Variants in ELOVL7 observed in about 807,000 individuals in gnomAD.
ELOVL7 encodes ELOVL fatty acid elongase 7, also known as very long chain fatty acid elongase 7.
A neutral mutation model predicts 35.7 loss-of-function variants in ELOVL7; 27 were observed. That is an observed-to-expected ratio of 0.76 (90% CI 0.56 to 1.04). The LOEUF is 1.04. Ranked by LOEUF, ELOVL7 falls within the 50% of genes least tolerant of loss-of-function variation. ELOVL7 has a pLI of 0.00. For missense variants in ELOVL7, 327 were observed against 340.8 expected, an observed-to-expected ratio of 0.96 and a Z score of 0.32; for synonymous variants, 113 against 114.6, an observed-to-expected ratio of 0.99 and a Z score of 0.09.
intron 2 of ELOVL7, among the ~76,000 whole-genome samples, chr5:60,789,794 A>G (rs956322010): frequency 1.3e-5 from 2 of 152,148 alleles, no homozygotes; most frequent in African/African-American, 2.4e-5. Flanking sequence ...AGAATGAAGA[A>G]CCTCTCCATG....
intron 1 of ELOVL7, among the ~76,000 whole-genome samples, chr5:60,831,036 T>C (rs2112384653): frequency 6.6e-6 from 1 of 152,326 alleles, no homozygotes; most frequent in East Asian, 1.9e-4. Flanking sequence ...ATATGTCCAG[T>C]GTCTAACACA....
intron 1 of ELOVL7, among the ~76,000 whole-genome samples, chr5:60,811,422 C>A (rs1745230726): frequency 6.6e-6 from 1 of 151,994 alleles, no homozygotes; most frequent in African/African-American, 2.4e-5. Flanking sequence ...AAGGTGTCTT[C>A]CTCTTTCCCA....
chr5:60,770,449 A>G (rs564402067), intron 4 of ELOVL7, among the ~76,000 whole-genome samples: 50 of 152,320 alleles, frequency 3.3e-4, no homozygotes, highest in Admixed American at 3.1e-3. Context: ...TGGCAGAAGC[A>G]GAACTAACTA....
intron 1 of ELOVL7, among the ~76,000 whole-genome samples, chr5:60,818,247 G>A (rs1745646737): frequency 6.7e-6 from 1 of 149,492 alleles, no homozygotes; most frequent in Non-Finnish European, 1.5e-5. Flanking sequence ...GAACCCGGGA[G>A]GCGGAAGTGG....
intron 4 of ELOVL7, among the ~76,000 whole-genome samples, chr5:60,769,240 T>C (rs989750679): frequency 2.0e-5 from 3 of 152,252 alleles, no homozygotes; most frequent in South Asian, 4.1e-4. Context: ...TTCTGTTTTA[T>C]AAAATCCTAC....
chr5:60,797,705 C>T (rs1744348539), intron 2 of ELOVL7, among the ~76,000 whole-genome samples: 1 of 152,216 alleles, frequency 6.6e-6, no homozygotes. Context: ...GGACTTTAGG[C>T]AGCCAGTGAA....
chr5:60,771,465 T>C (rs1301150612), intron 4 of ELOVL7, among the ~76,000 whole-genome samples: 1 of 152,202 alleles, frequency 6.6e-6, no homozygotes, highest in Non-Finnish European at 1.5e-5. Flanking sequence ...TACCATCCCA[T>C]AGTTCATCAG....
chr5:60,814,229 G>A (rs1745395398), intron 1 of ELOVL7, among the ~76,000 whole-genome samples: 1 of 152,146 alleles, frequency 6.6e-6, no homozygotes. Flanking sequence ...TTTTCATAAT[G>A]AGTTATTATG....
At chr5:60,806,188 A>G (rs1348291874) in intron 1 of ELOVL7, among the ~76,000 whole-genome samples, 1 of 152,202 alleles carries the variant, frequency 6.6e-6, no homozygotes, top group East Asian at 1.9e-4. Context: ...CAAAGCCCTC[A>G]GAGAGAACCA....
At chr5:60,804,575 G>C (rs959246143) in intron 1 of ELOVL7, among the ~76,000 whole-genome samples, 4 of 152,158 alleles carry the variant, frequency 2.6e-5, no homozygotes, top group Admixed American at 6.5e-5. Flanking sequence ...GGGACCAACT[G>C]GGAAGTCTCT....
intron 5 of ELOVL7, 66 bp downstream of exon 5, chr5:60,767,757 T>G: frequency 8.3e-7 from 1 of 1,208,102 alleles, no homozygotes; most frequent in Non-Finnish European, 1.2e-6. Flanking sequence ...ACGTTCAGTG[T>G]TACAAACAGT....
intron 1 of ELOVL7, among the ~76,000 whole-genome samples, chr5:60,816,191 C>T (rs776826347): frequency 6.6e-6 from 1 of 152,056 alleles, no homozygotes; most frequent in East Asian, 1.9e-4. Flanking sequence ...ACCAGCCTGG[C>T]CAACATGATG....
At chr5:60,841,658 T>C (rs191373292) in intron 1 of ELOVL7, among the ~76,000 whole-genome samples, 1 of 152,364 alleles carries the variant, frequency 6.6e-6, no homozygotes. Context: ...ACTGTCGTTC[T>C]ATTGCTGAAT....
At chr5:60,820,695 G>A (rs1745830909) in intron 1 of ELOVL7, among the ~76,000 whole-genome samples, 1 of 152,126 alleles carries the variant, frequency 6.6e-6, no homozygotes, top group Non-Finnish European at 1.5e-5. Flanking sequence ...TTCTCCCAAT[G>A]AGTTGGACCA....
intron 3 of ELOVL7, among the ~76,000 whole-genome samples, chr5:60,784,736 G>T (rs1349491385): frequency 6.6e-6 from 1 of 152,118 alleles, no homozygotes; most frequent in Admixed American, 6.5e-5. Context: ...GGATCTCAGA[G>T]ATCAATACTA....
At chr5:60,828,254 C>T (rs774066783) in intron 1 of ELOVL7, among the ~76,000 whole-genome samples, 5 of 152,126 alleles carry the variant, frequency 3.3e-5, no homozygotes, top group Non-Finnish European at 7.3e-5. Context: ...TTGCTGCTCC[C>T]TGCATTCTCT....
chr5:60,839,928 GGATT>G, intron 1 of ELOVL7, among the ~76,000 whole-genome samples: 1 of 152,018 alleles, frequency 6.6e-6, no homozygotes, highest in Non-Finnish European at 1.5e-5. Flanking sequence ...TTGAGTCTGG[GGATT>G]GAGGCTGCGG....
rs756618532 is a variant in ELOVL7, at chr5:60,805,490, T to C, written c.-85-6260A>G. Among the ~76,000 whole-genome samples, 4 of 152,122 alleles carry C rather than the reference T, an allele frequency of 2.6e-5. No individual in the cohort carries two copies. The South Asian group carries it at 8.3e-4, about 32-fold the overall frequency. ...AGTTAGTTCTGTTGACCATGAGGAGTCATTACAGGTTTCTCAACTGAGAAA... is the reference window on the plus strand; with the variant it reads ...AGTTAGTTCTGTTGACCATGAGGAGCCATTACAGGTTTCTCAACTGAGAAA... On this transcript the variant is annotated intron_variant, in intron 1 of 8. Coordinates refer to ENST00000508821, the MANE Select transcript of ELOVL7 (RefSeq NM_024930.3).
chr5:60,790,023 G>A (rs1045168297), intron 2 of ELOVL7, among the ~76,000 whole-genome samples: 1 of 152,126 alleles, frequency 6.6e-6, no homozygotes, highest in Non-Finnish European at 1.5e-5. Flanking sequence ...TGTAATTCCA[G>A]CTACTCAGGA....
Sources: allele counts gnomAD v4.1 joint callset (sites outside exome capture counted in the v4.1 genomes callset), GRCh38; gene constraint gnomAD v4.1.1; transcripts MANE v1.5; gene names NCBI Gene and HGNC (gene_info 2026-07-23, HGNC 2026-07-21).